TMTC2: variants seen among roughly 807,000 people sequenced by gnomAD.
TMTC2 encodes transmembrane O-mannosyltransferase targeting cadherins 2.
A neutral mutation model predicts 82.4 loss-of-function variants in TMTC2; 43 were observed. The observed-to-expected ratio is 0.52, with a 90% CI of 0.41 to 0.67. The LOEUF is 0.67. TMTC2 is among the 30% of genes least tolerant of loss of function. The pLI, the probability that TMTC2 is intolerant of heterozygous loss-of-function variation, is 0.00. For missense variants in TMTC2, 919 were observed against 1,012.4 expected (o/e 0.91, Z 1.25); for synonymous variants, 408 against 381.9 (o/e 1.07, Z -0.80).
At chr12:82,983,014 T>C (rs1423359260) in intron 7 of TMTC2, among the ~76,000 whole-genome samples, 1 of 152,058 alleles carries the variant, frequency 6.6e-6, no homozygotes, top group Non-Finnish European at 1.5e-5. Flanking sequence ...CTGTTTCATC[T>C]TGCAAACCTA....
intron 1 of TMTC2, among the ~76,000 whole-genome samples, chr12:82,831,004 A>G (rs1412239276): frequency 6.6e-6 from 1 of 152,206 alleles, no homozygotes; most frequent in Non-Finnish European, 1.5e-5. Flanking sequence ...ATTTAGAGGT[A>G]GGTTAAAACA....
At chr12:82,785,159 C>A (rs937258391) in intron 1 of TMTC2, among the ~76,000 whole-genome samples, 1 of 151,986 alleles carries the variant, frequency 6.6e-6, no homozygotes, top group African/African-American at 2.4e-5. Flanking sequence ...TCTTTAGACC[C>A]GGAAGCTGCT....
chr12:82,847,182 A>G (rs916764487), intron 1 of TMTC2, among the ~76,000 whole-genome samples: 1 of 152,194 alleles, frequency 6.6e-6, no homozygotes, highest in South Asian at 2.1e-4. Context: ...CTAAAGAGGT[A>G]CTCTAATGAA....
intron 11 of TMTC2, among the ~76,000 whole-genome samples, chr12:83,088,853 A>C (rs1340951804): frequency 6.6e-6 from 1 of 152,208 alleles, no homozygotes; most frequent in African/African-American, 2.4e-5. Flanking sequence ...GGGCTGAAGA[A>C]AGAGGCTGAT....
chr12:82,823,967 C>G (rs1427262061), intron 1 of TMTC2, among the ~76,000 whole-genome samples: 2 of 149,692 alleles, frequency 1.3e-5, no homozygotes, highest in Non-Finnish European at 2.9e-5. Flanking sequence ...AATTTCGACT[C>G]TTTGCAACCT....
At position 83,049,802 on chromosome 12, in the gene TMTC2, C is replaced by T. The variant is rs1018384498; in HGVS notation, c.2153-1102C>T. Among the ~76,000 whole-genome samples, 8 of 152,196 alleles carry T rather than the reference C, an allele frequency of 5.3e-5. 1 individual carries two copies. The highest frequency in any genetic ancestry group is 1.9e-4 in the African/African-American group (8 of 41,460). On this transcript the variant is annotated intron_variant, in intron 9 of 11. Coordinates refer to ENST00000321196, the MANE Select transcript of TMTC2 (RefSeq NM_152588.3). ...CAGTAGTGTATAAGCCTTCCCTTTT[C>T]TCTGCAACCTTGCCAGCATCTGTTA...
chr12:82,824,889 G>A (rs534419298), intron 1 of TMTC2, among the ~76,000 whole-genome samples: 1 of 152,206 alleles, frequency 6.6e-6, no homozygotes, highest in South Asian at 2.1e-4. Context: ...AGGAGTTCGA[G>A]ATGAGCTTGG....
At chr12:82,749,494 T>A (rs1189712776) in intron 1 of TMTC2, among the ~76,000 whole-genome samples, 3 of 152,106 alleles carry the variant, frequency 2.0e-5, no homozygotes, top group Non-Finnish European at 2.9e-5. Flanking sequence ...GATGCTTTTT[T>A]GTTTTTTTTT....
chr12:82,835,085 C>G (rs1439407782), intron 1 of TMTC2, among the ~76,000 whole-genome samples: 1 of 152,074 alleles, frequency 6.6e-6, no homozygotes, highest in Non-Finnish European at 1.5e-5. Context: ...TGGTCTCAAA[C>G]CCCTGAGCTC....
At chr12:82,978,142 A>T (rs907035285) in intron 7 of TMTC2, among the ~76,000 whole-genome samples, 5 of 151,780 alleles carry the variant, frequency 3.3e-5, no homozygotes, top group South Asian at 2.1e-4. Context: ...CAGAGTTATA[A>T]CTATTAAATG....
chr12:82,911,543 C>T (rs1198858879), intron 3 of TMTC2, among the ~76,000 whole-genome samples: 2 of 152,094 alleles, frequency 1.3e-5, no homozygotes, highest in Admixed American at 6.5e-5. Flanking sequence ...ACATATTAGA[C>T]GTTCTTTTTT....
At chr12:82,820,655 G>A (rs538381166) in intron 1 of TMTC2, among the ~76,000 whole-genome samples, 27 of 152,214 alleles carry the variant, frequency 1.8e-4, no homozygotes, top group Middle Eastern at 3.4e-3. Flanking sequence ...GATTACAGGC[G>A]TGAGCCATTG....
chr12:83,045,211 T>C lies in TMTC2; in HGVS notation c.2153-5693T>C, dbSNP rs79427134. Among the ~76,000 whole-genome samples, 377 of 152,348 alleles carry C rather than the reference T, an allele frequency of 2.5e-3. 10 individuals are homozygous for C. The East Asian group carries it at 0.055, about 22-fold the overall frequency. On this transcript the variant is annotated intron_variant, in intron 9 of 11. Coordinates refer to ENST00000321196, the MANE Select transcript of TMTC2 (RefSeq NM_152588.3). ...TTGTCTCTGGATCTCTAGAGAATGC[T>C]TCCTTATTTTATATCATCTGGTTTT... is the stretch of plus-strand genomic sequence containing the variant.
At chr12:82,758,338 A>T (rs1876445945) in intron 1 of TMTC2, among the ~76,000 whole-genome samples, 1 of 152,164 alleles carries the variant, frequency 6.6e-6, no homozygotes, top group Admixed American at 6.5e-5. Context: ...TGTTTTAAAA[A>T]GTTATCTTTG....
chr12:83,053,381 ACCCACTATC>A (rs1274164944), intron 10 of TMTC2, among the ~76,000 whole-genome samples: 2 of 151,994 alleles, frequency 1.3e-5, no homozygotes, highest in African/African-American at 2.4e-5. Flanking sequence ...TAAGTGGTTT[ACCCACTATC>A]CCAAATCAGC....
At position 82,956,259 on chromosome 12, in the gene TMTC2, T is replaced by C. The variant is rs1460734616; in HGVS notation, c.1599-8765T>C. On this transcript the variant is annotated intron_variant, in intron 4 of 11. Coordinates refer to ENST00000321196, the MANE Select transcript of TMTC2 (RefSeq NM_152588.3). ...TAATCATTAATGTAAGTGGTCTAAATGCTTCACTTAGGCACAGAGTACCAA... is the reference window on the plus strand; with the variant it reads ...TAATCATTAATGTAAGTGGTCTAAACGCTTCACTTAGGCACAGAGTACCAA... Among the ~76,000 whole-genome samples, 16 of 152,182 alleles carry C rather than the reference T, an allele frequency of 1.1e-4. No individual in the cohort carries two copies. In the East Asian group the frequency reaches 3.1e-3, roughly 29 times the overall value.
At chr12:82,812,283 T>C (rs148812404) in intron 1 of TMTC2, among the ~76,000 whole-genome samples, 1 of 152,266 alleles carries the variant, frequency 6.6e-6, no homozygotes, top group Non-Finnish European at 1.5e-5. Flanking sequence ...TAATTTCAAC[T>C]GTTTCTTTCT....
At chr12:82,819,497 CTTTT>C (rs766912583) in intron 1 of TMTC2, among the ~76,000 whole-genome samples, 2 of 118,280 alleles carry the variant, frequency 1.7e-5, no homozygotes, top group African/African-American at 7.0e-5. Flanking sequence ...TTCTCTCTTT[CTTTT>C]TTTTTTTTTT....
rs1483384470 is a variant in TMTC2 at position 82,747,246 on chromosome 12, A to G, written c.83+59577A>G. 3.3e-5 allele frequency among the ~76,000 whole-genome samples: 5 copies of G among 152,234 alleles called. No individual in the cohort carries two copies. In the South Asian group the frequency reaches 6.2e-4, roughly 19 times the overall value. Reference sequence around the variant, plus strand: ...CTAATTAATTTCAGTTTTCAGGACCAAAAAGAAAAGGTTTAGATAATATTA... The same window carrying G: ...CTAATTAATTTCAGTTTTCAGGACCGAAAAGAAAAGGTTTAGATAATATTA... On this transcript the variant is annotated intron_variant, in intron 1 of 11. Transcript: ENST00000321196.
Sources: gnomAD v4.1 joint callset for allele counts (sites outside exome capture counted in the v4.1 genomes callset) on GRCh38, gnomAD v4.1.1 for gene constraint, MANE v1.5 for transcripts, NCBI Gene and HGNC (gene_info 2026-07-23, HGNC 2026-07-21) for gene names.